Variants in DOCK1 observed in about 807,000 individuals in gnomAD.
The protein encoded by DOCK1 is dedicator of cytokinesis protein 1.
In DOCK1, 138 loss-of-function variants were observed where a neutral mutation model predicts 262.7. That is an observed-to-expected ratio of 0.53 (90% CI 0.46 to 0.61). DOCK1 has a LOEUF of 0.61. Ranked by LOEUF, DOCK1 falls within the 20% of genes least tolerant of loss-of-function variation. The pLI, the probability that DOCK1 is intolerant of heterozygous loss-of-function variation, is 0.00. For missense variants in DOCK1, 1,908 were observed against 2,370.7 expected, an observed-to-expected ratio of 0.80 and a Z score of 4.05; for synonymous variants, 866 against 867.4, an observed-to-expected ratio of 1.00 and a Z score of 0.03.
intron 1 of DOCK1, among the ~76,000 whole-genome samples, chr10:126,950,836 A>G (rs1007026009): frequency 0.012 from 1,756 of 152,244 alleles, 36 homozygotes; most frequent in African/African-American, 0.04. Context: ...CCAGGGCAGA[A>G]TGAAGTTTAA....
chr10:127,335,485 T>C (rs1444864722), intron 29 of DOCK1, among the ~76,000 whole-genome samples: 1 of 152,202 alleles, frequency 6.6e-6, no homozygotes, highest in African/African-American at 2.4e-5. Flanking sequence ...GCTTCTAATA[T>C]GATTTTCTTA....
intron 27 of DOCK1, among the ~76,000 whole-genome samples, chr10:127,233,187 A>G (rs2058918125): frequency 6.6e-6 from 1 of 152,168 alleles, no homozygotes; most frequent in Non-Finnish European, 1.5e-5. Context: ...TGTATTCCCT[A>G]ATTAGAATTA....
chr10:126,918,428 C>G (rs2032769459), intron 1 of DOCK1, among the ~76,000 whole-genome samples: 1 of 152,224 alleles, frequency 6.6e-6, no homozygotes, highest in Non-Finnish European at 1.5e-5. Context: ...TTTTATTGCA[C>G]AGAGTTGCTG....
At chr10:127,126,288 G>A (rs1051778182) in intron 26 of DOCK1, among the ~76,000 whole-genome samples, 8 of 151,910 alleles carry the variant, frequency 5.3e-5, no homozygotes, top group Non-Finnish European at 1.0e-4. Context: ...GTACAGACGG[G>A]GTTTCACTAT....
At chr10:127,370,297 C>T (rs1590743942) in intron 33 of DOCK1, among the ~76,000 whole-genome samples, 1 of 152,158 alleles carries the variant, frequency 6.6e-6, no homozygotes, top group South Asian at 2.1e-4. Context: ...ATGTACTTAG[C>T]AGATCATGTC....
intron 1 of DOCK1, among the ~76,000 whole-genome samples, chr10:126,907,746 G>A (rs2031120727): frequency 6.6e-6 from 1 of 152,078 alleles, no homozygotes; most frequent in African/African-American, 2.4e-5. Flanking sequence ...GGAGGCTGAG[G>A]GCCAGAACAG....
chr10:127,225,036 T>A (rs2058584533), intron 27 of DOCK1, among the ~76,000 whole-genome samples: 1 of 152,180 alleles, frequency 6.6e-6, no homozygotes, highest in Admixed American at 6.5e-5. Context: ...ACATTCTTTT[T>A]CAAAATATAT....
At chr10:127,046,064 CCTT>C (rs2044325774) in intron 21 of DOCK1, among the ~76,000 whole-genome samples, 2 of 151,986 alleles carry the variant, frequency 1.3e-5, no homozygotes, top group South Asian at 2.1e-4. Flanking sequence ...GGTTCTAAGT[CCTT>C]CTCTTTGCAA....
intron 7 of DOCK1, 86 bp downstream of exon 7, chr10:126,996,969 G>T: frequency 7.1e-7 from 1 of 1,411,052 alleles, no homozygotes; most frequent in Admixed American, 2.6e-5. Flanking sequence ...GCCCAAAATT[G>T]TCACTAAGAA....
intron 47 of DOCK1, among the ~76,000 whole-genome samples, chr10:127,428,616 T>TG (rs2068991293): frequency 6.8e-6 from 1 of 147,940 alleles, no homozygotes; most frequent in Non-Finnish European, 1.5e-5. Context: ...GATTGTGCCA[T>TG]GTGGATTGGG....
At chr10:127,189,440 T>C (rs955974195) in intron 27 of DOCK1, among the ~76,000 whole-genome samples, 3 of 152,184 alleles carry the variant, frequency 2.0e-5, no homozygotes, top group Non-Finnish European at 4.4e-5. Context: ...ACTTCTGTCA[T>C]TCAGCCTCAC....
At chr10:127,340,367 G>T (rs183972697) in intron 30 of DOCK1, among the ~76,000 whole-genome samples, 3 of 152,100 alleles carry the variant, frequency 2.0e-5, no homozygotes, top group South Asian at 2.1e-4. Context: ...TCTTTGTCAC[G>T]CTTTCAGCAT....
chr10:126,928,877 C>G (rs2033973913), intron 1 of DOCK1, among the ~76,000 whole-genome samples: 1 of 152,268 alleles, frequency 6.6e-6, no homozygotes, highest in South Asian at 2.1e-4. Context: ...CCCATAGCCA[C>G]TGTTGGCGTG....
chr10:127,405,117 C>G (rs1399249224), intron 40 of DOCK1, among the ~76,000 whole-genome samples: 1 of 152,140 alleles, frequency 6.6e-6, no homozygotes, highest in African/African-American at 2.4e-5. Flanking sequence ...TTGGGTTGTC[C>G]CCGCCCAATG....
At chr10:126,947,425 T>G in intron 1 of DOCK1, among the ~76,000 whole-genome samples, 1 of 145,412 alleles carries the variant, frequency 6.9e-6, no homozygotes, top group South Asian at 2.3e-4. Context: ...TGGTGGTGGT[T>G]GGTAGTATTA....
At position 126,992,307 on chromosome 10, in the gene DOCK1, A is replaced by C. The variant is rs2039846840; in HGVS notation, c.473+1704A>C. ...TTTGGCTGCAGGAAGCTAGCAAAGT[A>C]CATTGTATCATGGAAAAATCTAGTT... On this transcript the variant is annotated intron_variant, in intron 6 of 51. Transcript: ENST00000623213. 2.0e-5 allele frequency among the ~76,000 whole-genome samples: 3 copies of C among 152,234 alleles called. No homozygotes were observed. In the South Asian group the frequency reaches 6.2e-4, roughly 31 times the overall value.
chr10:127,432,585 T>C (rs951398855), intron 47 of DOCK1, among the ~76,000 whole-genome samples: 1 of 152,164 alleles, frequency 6.6e-6, no homozygotes, highest in Non-Finnish European at 1.5e-5. Context: ...ATTTTCTAGC[T>C]AATGAGATGT....
At chr10:127,096,339 C>A (rs1341499498) in intron 23 of DOCK1, among the ~76,000 whole-genome samples, 3 of 152,090 alleles carry the variant, frequency 2.0e-5, no homozygotes, top group African/African-American at 7.2e-5. Context: ...GTGCATTTTC[C>A]CCTATCAAGT....
intron 1 of DOCK1, among the ~76,000 whole-genome samples, chr10:126,961,525 C>T (rs921014150): frequency 5.3e-5 from 8 of 152,238 alleles, no homozygotes; most frequent in East Asian, 1.9e-4. Flanking sequence ...TTCTTACTTT[C>T]GTTTCTTACT....
Sources: allele counts gnomAD v4.1 joint callset (sites outside exome capture counted in the v4.1 genomes callset), GRCh38; gene constraint gnomAD v4.1.1; transcripts MANE v1.5; gene names NCBI Gene and HGNC (gene_info 2026-07-23, HGNC 2026-07-21).